Variants in CDYL observed in about 807,000 individuals in gnomAD.
CDYL encodes the protein chromodomain Y like, also known as chromodomain Y-like protein.
CDYL carries 8 observed loss-of-function variants against 47.3 expected under a neutral mutation model. That is an observed-to-expected ratio of 0.17 (90% CI 0.10 to 0.31). The LOEUF is 0.31. CDYL is among the 10% of genes least tolerant of loss of function. The probability of loss-of-function intolerance (pLI) is 1.00; values close to 1 mark genes in which losing one functional copy is unlikely to be tolerated. For synonymous variants in CDYL, 266 were observed against 265.0 expected, an observed-to-expected ratio of 1.00 and a Z score of -0.04; for missense variants, 471 against 701.4, an observed-to-expected ratio of 0.67 and a Z score of 3.71.
intron 2 of CDYL, among the ~76,000 whole-genome samples, chr6:4,912,836 C>G (rs1757451733): frequency 6.6e-6 from 1 of 152,140 alleles, no homozygotes. Context: ...TATGAAGCCA[C>G]CAGTCGCACT....
intron 3 of CDYL, among the ~76,000 whole-genome samples, chr6:4,737,203 T>C (rs1757718592): frequency 6.6e-6 from 1 of 152,172 alleles, no homozygotes; most frequent in Admixed American, 6.5e-5. Context: ...GGAAACCATA[T>C]GTGACTTTAA....
At chr6:4,876,393 T>C (rs1485661781) in intron 1 of CDYL, among the ~76,000 whole-genome samples, 2 of 152,216 alleles carry the variant, frequency 1.3e-5, no homozygotes, top group African/African-American at 4.8e-5. Context: ...GGTATGTATT[T>C]AGTTTTATAA....
At chr6:4,921,284 C>G (rs1424021040) in intron 2 of CDYL, among the ~76,000 whole-genome samples, 1 of 152,210 alleles carries the variant, frequency 6.6e-6, no homozygotes, top group Non-Finnish European at 1.5e-5. Context: ...TTTTCTCTCT[C>G]TGCCCAAGTA....
intron 1 of CDYL, among the ~76,000 whole-genome samples, chr6:4,810,299 G>A (rs1759493614): frequency 6.6e-6 from 1 of 152,136 alleles, no homozygotes; most frequent in Non-Finnish European, 1.5e-5. Context: ...TTCTCAACTA[G>A]CATGAGTTAA....
chr6:4,732,988 C>A (rs1174378527), intron 2 of CDYL, among the ~76,000 whole-genome samples: 1 of 152,148 alleles, frequency 6.6e-6, no homozygotes, highest in African/African-American at 2.4e-5. Context: ...CATCCTATTC[C>A]TCAGCATTCT....
At chr6:4,939,247 T>C (rs1350984314) in intron 4 of CDYL, among the ~76,000 whole-genome samples, 1 of 152,132 alleles carries the variant, frequency 6.6e-6, no homozygotes, top group Non-Finnish European at 1.5e-5. Context: ...CCTAAACCCT[T>C]CTAGAGCTTG....
chr6:4,877,821 C>T (rs190789874), intron 1 of CDYL, among the ~76,000 whole-genome samples: 1 of 152,124 alleles, frequency 6.6e-6, no homozygotes, highest in Non-Finnish European at 1.5e-5. Flanking sequence ...AGTTTGTTGC[C>T]TTTCCTTGTA....
intron 2 of CDYL, among the ~76,000 whole-genome samples, chr6:4,727,699 C>T (rs917786637): frequency 6.7e-6 from 1 of 150,004 alleles, no homozygotes; most frequent in Non-Finnish European, 1.5e-5. Flanking sequence ...TGAATTTTCC[C>T]TGACAAACCG....
intron 3 of CDYL, among the ~76,000 whole-genome samples, chr6:4,740,401 T>C (rs757687912): frequency 1.4e-4 from 21 of 152,226 alleles, no homozygotes; most frequent in South Asian, 4.2e-4. Context: ...GCGTTGCTAC[T>C]AGAATGGAGA....
chr6:4,717,839 A>T (rs1406977003), intron 2 of CDYL, among the ~76,000 whole-genome samples: 1 of 144,214 alleles, frequency 6.9e-6, no homozygotes, highest in Non-Finnish European at 1.5e-5. Flanking sequence ...ACCCTGTTAG[A>T]TTTTTTTTTT....
chr6:4,824,344 AC>A (rs1263776857), intron 1 of CDYL, among the ~76,000 whole-genome samples: 1 of 152,154 alleles, frequency 6.6e-6, no homozygotes, highest in East Asian at 1.9e-4. Flanking sequence ...TTACACAATG[AC>A]CACACCATTT....
chr6:4,708,038 G>C (rs760054496), intron 1 of CDYL, among the ~76,000 whole-genome samples: 8 of 152,050 alleles, frequency 5.3e-5, no homozygotes, highest in Non-Finnish European at 1.2e-4. Flanking sequence ...GTCAGAATGG[G>C]ATTGATTCCT....
intron 1 of CDYL, among the ~76,000 whole-genome samples, chr6:4,790,114 TCTC>T (rs1222442665): frequency 1.3e-5 from 2 of 152,236 alleles, no homozygotes; most frequent in African/African-American, 4.8e-5. Context: ...GATTTGCTGT[TCTC>T]CTCAGTTATC....
intron 3 of CDYL, among the ~76,000 whole-genome samples, chr6:4,743,918 AAATACCT>A (rs201555315): frequency 6.6e-6 from 1 of 152,368 alleles, no homozygotes; most frequent in East Asian, 1.9e-4. Context: ...GACTTAGATA[AAATACCT>A]ACAGGTGAGT....
chr6:4,913,273 T>G (rs191237670), intron 2 of CDYL, among the ~76,000 whole-genome samples: 2 of 152,332 alleles, frequency 1.3e-5, no homozygotes, highest in East Asian at 3.9e-4. Flanking sequence ...AATTAAAATT[T>G]TTTTATTTCA....
In CDYL at chr6:4,954,166, T is replaced by TA. The variant is rs748040778; in HGVS notation, c.*111dup. The TA allele has an allele frequency of 2.3e-4, 274 of 1,215,632 alleles. 1 individual carries two copies. The highest frequency in any genetic ancestry group is 2.8e-4 in the Non-Finnish European group (246 of 885,164). 75.3% of individuals were successfully genotyped at this position (1,215,632 alleles called of 1,614,324 possible). ...GCCTGAAACAAGCTCACCCGTAGCT[T>TA]ACGCTTGGAAGCAGGACTGGGAACA... On this transcript the variant is annotated 3_prime_UTR_variant, in exon 7 of 7. Coordinates refer to ENST00000397588, the MANE Select transcript of CDYL (RefSeq NM_004824.4).
At chr6:4,777,276 C>G (rs921114931) in intron 1 of CDYL, among the ~76,000 whole-genome samples, 1 of 152,118 alleles carries the variant, frequency 6.6e-6, no homozygotes, top group African/African-American at 2.4e-5. Flanking sequence ...CTTTGCTGTT[C>G]GCCAAAGCGA....
intron 2 of CDYL, among the ~76,000 whole-genome samples, chr6:4,722,561 TTAAAAC>T (rs776923588): frequency 3.3e-5 from 5 of 151,910 alleles, no homozygotes; most frequent in Non-Finnish European, 5.9e-5. Context: ...TGCTACAGTT[TTAAAAC>T]TAAAACTGTT....
chr6:4,794,316 G>A (rs1759010376), intron 1 of CDYL, among the ~76,000 whole-genome samples: 1 of 152,110 alleles, frequency 6.6e-6, no homozygotes, highest in Admixed American at 6.5e-5. Context: ...ACTGTGTTTG[G>A]TGCTGCTGAG....
Sources: gnomAD v4.1 joint callset for allele counts (sites outside exome capture counted in the v4.1 genomes callset) on GRCh38, gnomAD v4.1.1 for gene constraint, MANE v1.5 for transcripts, NCBI Gene and HGNC (gene_info 2026-07-23, HGNC 2026-07-21) for gene names.